Variants in LAMA3 observed in about 807,000 individuals in gnomAD.
LAMA3 encodes laminin subunit alpha 3, also known as laminin subunit alpha-3.
A neutral mutation model predicts 402.0 loss-of-function variants in LAMA3; 281 were observed. The observed-to-expected ratio is 0.70, with a 90% CI of 0.63 to 0.77. The LOEUF is 0.77. LAMA3 is among the 30% of genes least tolerant of loss of function. The probability of loss-of-function intolerance (pLI) is 0.00; values close to 1 mark genes in which losing one functional copy is unlikely to be tolerated. For missense variants in LAMA3, 3,840 were observed against 4,215.5 expected, an observed-to-expected ratio of 0.91 and a Z score of 2.47; for synonymous variants, 1,431 against 1,558.4, an observed-to-expected ratio of 0.92 and a Z score of 1.93.
intron 6 of LAMA3, among the ~76,000 whole-genome samples, chr18:23,758,017 T>C (rs1026694452): frequency 2.0e-5 from 3 of 152,218 alleles, no homozygotes; most frequent in Middle Eastern, 3.2e-3. Flanking sequence ...GCAGGTGTGA[T>C]ACTTAACACA....
intron 35 of LAMA3, among the ~76,000 whole-genome samples, chr18:23,864,034 A>G (rs939709733): frequency 3.3e-5 from 5 of 152,128 alleles, no homozygotes; most frequent in Admixed American, 3.3e-4. Context: ...TTGTTTTTGG[A>G]GAAAATTTAT....
chr18:23,718,155 G>A (rs1160687828), intron 2 of LAMA3, among the ~76,000 whole-genome samples: 2 of 152,128 alleles, frequency 1.3e-5, no homozygotes, highest in East Asian at 1.9e-4. Flanking sequence ...CTGGATTCCT[G>A]GTAGGGCATG....
chr18:23,689,711 C>A lies in LAMA3; in HGVS notation c.28C>A (p.Arg10=). The part of the protein sequence containing the change: MAAAARPRG[R]ALGPVLPPTP... ...GGCGGCGGCCGCGCGGCCTCGGGGT[C>A]GGGCACTGGGGCCAGTACTGCCGCC... is the stretch of plus-strand genomic sequence containing the variant. The change falls in exon 1 of 75, where the codon CGG becomes AGG. Residue 10 remains arginine, a synonymous_variant. Transcript: ENST00000313654. The A allele has an allele frequency of 2.2e-6, 3 of 1,365,010 alleles. No individual in the cohort carries two copies. The highest frequency in any genetic ancestry group is 3.6e-5 in the South Asian group (2 of 55,024). 84.6% of individuals were successfully genotyped at this position (1,365,010 alleles called of 1,614,324 possible).
intron 48 of LAMA3, among the ~76,000 whole-genome samples, chr18:23,902,509 A>G (rs2081106494): frequency 1.3e-5 from 2 of 152,170 alleles, no homozygotes; most frequent in African/African-American, 4.8e-5. Context: ...CTCTTTGGAT[A>G]GTACCATGTC....
rs1201121481 is a variant in LAMA3 at position 23,876,540 on chromosome 18, G to A, written c.5112+133G>A. ...TAGAGGTCGCTGTGTAAATATATGA[G>A]GCTCCATTATCAGGCTGAATTATTT... On this transcript the variant is annotated intron_variant, in intron 39 of 74. Transcript: ENST00000313654. 6 of 652,186 alleles carry A rather than the reference G, an allele frequency of 9.2e-6. No individual in the cohort carries two copies. The Admixed American group carries it at 1.5e-4, about 16-fold the overall frequency. The allele number at this position is 652,186 out of a possible 1,614,324, so 40.4% of individuals were successfully genotyped here.
In LAMA3 at chr18:23,949,917, C is replaced by A. The variant is rs201759849; in HGVS notation, c.9504C>A (p.Val3168=). The change falls in exon 71 of 75, where the codon GTC becomes GTA. Residue 3168 remains valine (V), a synonymous_variant. Coordinates refer to ENST00000313654, the MANE Select transcript of LAMA3 (RefSeq NM_198129.4). The part of the protein sequence containing the change: ...GIYFSEEGGH[V]VLAHSVLLGP... ...ATTTCTCTGAAGAAGGAGGTCATGT[C>A]GTCTTGGGTAAGGAGCAGTTCTATA... 1 of 1,613,974 alleles carries A rather than the reference C, an allele frequency of 6.2e-7. No individual in the cohort carries two copies.
At position 23,907,907 on chromosome 18, in the gene LAMA3, A is replaced by G. The variant is rs996417890; in HGVS notation, c.6987A>G (p.Lys2329=). ...GGAGGACACAGAACGAAGACTTCAA[A>G]AAGGCTCTGACTGATGCAGATAACT... is the stretch of plus-strand genomic sequence containing the variant. ...TYGRTQNEDF[K]KALTDADNSV... Residue 2329 remains lysine, a synonymous_variant, in exon 54 of 75, where the codon AAA becomes AAG. Transcript: ENST00000313654. The G allele has an allele frequency of 1.2e-6, 2 of 1,613,892 alleles. No individual in the cohort carries two copies. The highest frequency in any genetic ancestry group is 2.7e-5 in the African/African-American group (2 of 74,918).
intron 43 of LAMA3, 53 bp from the exon 44 acceptor site, chr18:23,894,854 C>T: frequency 1.9e-6 from 3 of 1,612,240 alleles, no homozygotes; most frequent in Non-Finnish European, 2.5e-6. Context: ...GGTCTTTTCG[C>T]AGTCCCACGG....
intron 14 of LAMA3, among the ~76,000 whole-genome samples, chr18:23,813,553 CTTTTTTTTTTTT>C (rs1164123647): frequency 5.2e-5 from 6 of 115,006 alleles, no homozygotes; most frequent in Non-Finnish European, 7.0e-5. Context: ...TCTTTTCTTT[CTTTTTTTTTTTT>C]TTTTTTTTGC....
At chr18:23,843,774 C>T (rs2063756148) in intron 29 of LAMA3, among the ~76,000 whole-genome samples, 1 of 152,216 alleles carries the variant, frequency 6.6e-6, no homozygotes, top group African/African-American at 2.4e-5. Flanking sequence ...ATCTTTCTCT[C>T]TGCCATTGCC....
chr18:23,717,157 G>A (rs781380765), intron 2 of LAMA3, among the ~76,000 whole-genome samples: 1 of 152,192 alleles, frequency 6.6e-6, no homozygotes, highest in African/African-American at 2.4e-5. Context: ...AGCATGACAT[G>A]TTTTAACAAG....
intron 23 of LAMA3, among the ~76,000 whole-genome samples, chr18:23,830,509 T>C (rs12962737): frequency 6.6e-6 from 1 of 152,346 alleles, no homozygotes; most frequent in South Asian, 2.1e-4. Flanking sequence ...CTAAATCCAG[T>C]GGATATGTTT....
intron 1 of LAMA3, among the ~76,000 whole-genome samples, chr18:23,710,870 T>C (rs2060977634): frequency 6.6e-6 from 1 of 152,224 alleles, no homozygotes; most frequent in African/African-American, 2.4e-5. Flanking sequence ...CTTTTTAAAG[T>C]CAATGTTTAC....
At chr18:23,785,156 C>G (rs2062518129) in intron 12 of LAMA3, among the ~76,000 whole-genome samples, 1 of 152,174 alleles carries the variant, frequency 6.6e-6, no homozygotes, top group Non-Finnish European at 1.5e-5. Flanking sequence ...AAATGCTCAG[C>G]CAGCTACAGG....
intron 12 of LAMA3, among the ~76,000 whole-genome samples, chr18:23,806,301 G>C (rs996479840): frequency 6.6e-6 from 1 of 152,200 alleles, no homozygotes; most frequent in Admixed American, 6.5e-5. Flanking sequence ...TCAAATTGCT[G>C]TCTGTCTGTT....
chr18:23,901,127 T>C lies in LAMA3; in HGVS notation c.6005T>C (p.Leu2002Ser), dbSNP rs1368048226. The C allele has an allele frequency of 3.1e-6, 5 of 1,613,560 alleles. No homozygotes were observed. Among genetic ancestry groups the C allele is most frequent in the Non-Finnish European group, 4.2e-6 (5 of 1,179,632 alleles). The change falls in exon 48 of 75, where the codon TTG becomes TCG. Residue 2002 changes from leucine to serine, a missense_variant and splice_region_variant. By Grantham distance (145) the Leu-to-Ser change is moderately radical (BLOSUM62 -2). Transcript: ENST00000313654. ...AEADKRESQL[L>S]LNRIRTWQKT... Reference sequence around the variant, plus strand: ...GAAAACATGAGGTGATGTATTACAGTGCTGAACCGGATAAGGACCTGGCAG... The same window carrying C: ...GAAAACATGAGGTGATGTATTACAGCGCTGAACCGGATAAGGACCTGGCAG...
intron 34 of LAMA3, among the ~76,000 whole-genome samples, chr18:23,859,665 C>T (rs8093164): frequency 0.044 from 6,697 of 152,252 alleles, 383 homozygotes; most frequent in Admixed American, 0.16. Flanking sequence ...GGAGTTAGGG[C>T]GCACCATCCT....
In LAMA3 at chr18:23,689,703, C is replaced by T; in HGVS notation, c.20C>T (p.Pro7Leu). Residue 7 changes from proline to leucine, a missense_variant, in exon 1 of 75, where the codon CCT becomes CTT. Physicochemically the swap from Pro to Leu is moderately conservative, Grantham distance 98. Around this residue, in one of 3 missense-constraint regions of LAMA3, gnomAD observed 2,109 missense variants for 2,376.0 expected, o/e 0.89. Coordinates refer to ENST00000313654, the MANE Select transcript of LAMA3 (RefSeq NM_198129.4). ...GGCTGGATGGCGGCGGCCGCGCGGC[C>T]TCGGGGTCGGGCACTGGGGCCAGTA... Reference protein sequence around the residue: MAAAARPRGRALGPVLP... With the variant: MAAAARLRGRALGPVLP... 1 of 1,334,828 alleles carries T rather than the reference C, an allele frequency of 7.5e-7. No homozygotes were observed. Among genetic ancestry groups the T allele is most frequent in the South Asian group, 2.1e-5 (1 of 48,698 alleles). 82.7% of individuals were successfully genotyped at this position (1,334,828 alleles called of 1,614,324 possible).
chr18:23,814,291 A>C, intron 14 of LAMA3, 112 bp from the exon 15 acceptor site: 3 of 804,280 alleles, frequency 3.7e-6, no homozygotes, highest in South Asian at 2.8e-5. Flanking sequence ...GATACACTTA[A>C]TTACTTTTCA....
Sources: allele counts gnomAD v4.1 joint callset (sites outside exome capture counted in the v4.1 genomes callset), GRCh38; gene constraint gnomAD v4.1.1; regional missense constraint gnomAD v4.1.1; transcripts MANE v1.5; gene names NCBI Gene and HGNC (gene_info 2026-07-23, HGNC 2026-07-21).